The following STAG2 variants were observed in gnomAD, a reference collection of about 807,000 sequenced individuals.
The protein encoded by STAG2 is STAG2 cohesin complex component.
A neutral mutation model predicts 108.1 loss-of-function variants in STAG2; 14 were observed. That is an observed-to-expected ratio of 0.13 (90% CI 0.09 to 0.20). STAG2 has a LOEUF of 0.20. Among genes scored for constraint, STAG2 ranks in the 10% least tolerant of loss-of-function variants. The pLI, the probability that STAG2 is intolerant of heterozygous loss-of-function variation, is 1.00. For synonymous variants in STAG2, 307 were observed against 302.7 expected, an observed-to-expected ratio of 1.01 and a Z score of -0.15; for missense variants, 440 against 940.9, an observed-to-expected ratio of 0.47 and a Z score of 6.96.
intron 34 of STAG2, among the ~76,000 whole-genome samples, chrX:124,097,197 A>AAAG (rs2059405230): frequency 9.3e-6 from 1 of 107,428 alleles, no homozygotes; most frequent in African/African-American, 3.4e-5. Context: ...AAAAAAAAAA[A>AAAG]AAAAAAAGTA....
intron 24 of STAG2, among the ~76,000 whole-genome samples, chrX:124,069,100 T>C (rs559038630): frequency 7.4e-4 from 83 of 111,903 alleles, no homozygotes; most frequent in Non-Finnish European, 3.0e-4. Context: ...TAAACATTTA[T>C]AATCACTTCC....
chrX:124,025,112 T>C (rs2057052309), intron 3 of STAG2, among the ~76,000 whole-genome samples: 1 of 111,253 alleles, frequency 9.0e-6, no homozygotes, highest in Non-Finnish European at 1.9e-5. Flanking sequence ...ATTCATATGT[T>C]GGAGATTGTA....
At chrX:123,974,539 T>G (rs1183009552) in intron 1 of STAG2, among the ~76,000 whole-genome samples, 1 of 106,955 alleles carries the variant, frequency 9.3e-6, no homozygotes, top group African/African-American at 3.4e-5. Flanking sequence ...ATGATCATCT[T>G]ATATATGCAG....
intron 1 of STAG2, among the ~76,000 whole-genome samples, chrX:124,019,121 C>T (rs1473477824): frequency 2.1e-5 from 2 of 97,524 alleles, no homozygotes; most frequent in African/African-American, 7.9e-5. Context: ...AGTGCAGTGG[C>T]GCAGTCTTGG....
chrX:124,015,427 C>T (rs1286402172), intron 1 of STAG2, among the ~76,000 whole-genome samples: 1 of 106,646 alleles, frequency 9.4e-6, no homozygotes, highest in Non-Finnish European at 1.9e-5. Flanking sequence ...CTCCGTTGCC[C>T]AGTCTAGAGT....
At chrX:124,076,665 G>A (rs951711037) in intron 26 of STAG2, among the ~76,000 whole-genome samples, 194 bp downstream of exon 26, 2 of 110,973 alleles carry the variant, frequency 1.8e-5, no homozygotes, top group Non-Finnish European at 1.9e-5. Flanking sequence ...TATTGTGTTC[G>A]TTTGCATTTA....
chrX:123,983,974 CT>C (rs199881082), intron 1 of STAG2, among the ~76,000 whole-genome samples: 2,316 of 61,438 alleles, frequency 0.038, 168 homozygotes, highest in African/African-American at 0.2. Context: ...CTTTTCTTTT[CT>C]TTTTTTTTTT....
At position 124,066,238 on chromosome X, in the gene STAG2, C is replaced by A. The variant is rs756185760; in HGVS notation, c.2160C>A (p.Ile720=). 3 of 1,182,281 alleles carry A rather than the reference C, an allele frequency of 2.5e-6. No homozygotes were observed. The highest frequency in any genetic ancestry group is 3.8e-5 in the African/African-American group (2 of 52,701). The change falls in exon 22 of 35, where the codon ATC becomes ATA. Residue 720 remains isoleucine (I), a synonymous_variant. Transcript: ENST00000371145. ...ATTACAAACTCTTGAAAACTGGAAT[C>A]GAAAATGGAGACATGCCTGAGCAGG... is the stretch of plus-strand genomic sequence containing the variant. The part of the protein sequence containing the change: ...ACNYKLLKTG[I]ENGDMPEQIV...
At chrX:124,094,414 T>G (rs910380499) in intron 33 of STAG2, among the ~76,000 whole-genome samples, 7 of 111,609 alleles carry the variant, frequency 6.3e-5, no homozygotes, top group African/African-American at 2.3e-4. Context: ...ATATTTTGAT[T>G]AATACTAATT....
chrX:123,970,490 G>T (rs1216304518), intron 1 of STAG2, among the ~76,000 whole-genome samples: 1 of 111,419 alleles, frequency 9.0e-6, no homozygotes, highest in East Asian at 2.8e-4. Context: ...ACTTGGTTTG[G>T]CACTAAATAA....
At chrX:124,030,137 T>A (rs1237703430) in intron 4 of STAG2, among the ~76,000 whole-genome samples, 2 of 111,848 alleles carry the variant, frequency 1.8e-5, no homozygotes, top group East Asian at 5.6e-4. Context: ...ACTGCAATGA[T>A]TTCTAAGACT....
chrX:124,009,113 A>G (rs1038286431), intron 1 of STAG2, among the ~76,000 whole-genome samples: 12 of 111,641 alleles, frequency 1.1e-4, no homozygotes, highest in Non-Finnish European at 2.3e-4. Context: ...TGCTCTTAAT[A>G]TTAAATATAT....
At chrX:123,965,941 GT>G (rs1246146038) in intron 1 of STAG2, among the ~76,000 whole-genome samples, 1 of 110,392 alleles carries the variant, frequency 9.1e-6, no homozygotes, top group Non-Finnish European at 1.9e-5. Flanking sequence ...AGAGGCTGCA[GT>G]AAGCCACGAT....
upstream of STAG2, chrX:123,960,644 G>C (rs879095499): frequency 2.0e-5 from 1 of 50,534 alleles, no homozygotes; most frequent in Non-Finnish European, 3.6e-5. Flanking sequence ...AAAAAAAAAA[G>C]AAAAAAAACC....
chrX:124,095,310 G>T, intron 33 of STAG2, 62 bp from the exon 34 acceptor site: 2 of 912,189 alleles, frequency 2.2e-6, no homozygotes, highest in Non-Finnish European at 3.2e-6. Context: ...GATATTTTCA[G>T]TTACTATCTG....
chrX:124,092,217 C>T (rs2059267331), intron 32 of STAG2, among the ~76,000 whole-genome samples: 1 of 111,327 alleles, frequency 9.0e-6, no homozygotes, highest in South Asian at 3.8e-4. Flanking sequence ...TTAGTTATCT[C>T]CATAGTGGTC....
rs2059502372 is a variant in STAG2 at position 124,101,183 on chromosome X, A to G, written c.*586A>G. The G allele has an allele frequency of 6.8e-6, 1 of 148,069 alleles. No homozygotes were observed. Among genetic ancestry groups the G allele is most frequent in the Non-Finnish European group, 1.3e-5 (1 of 74,873 alleles). The allele number at this position is 148,069 out of a possible 1,213,427, so 12.2% of individuals were successfully genotyped here. ...CAGAACTTTTACAATTTTTTCATCT[A>G]AAAGTATTTTAAGATATTTTTAAAA... is the stretch of plus-strand genomic sequence containing the variant. On this transcript the variant is annotated 3_prime_UTR_variant, in exon 35 of 35. Coordinates refer to ENST00000371145, the MANE Select transcript of STAG2 (RefSeq NM_001042750.2).
chrX:124,091,998 T>C (rs942293220), intron 32 of STAG2, among the ~76,000 whole-genome samples: 3 of 111,924 alleles, frequency 2.7e-5, no homozygotes, highest in Non-Finnish European at 5.6e-5. Context: ...CAGGGAAAAG[T>C]GTGATGATTA....
chrX:124,011,945 T>C (rs755687509), intron 1 of STAG2, among the ~76,000 whole-genome samples: 1 of 112,090 alleles, frequency 8.9e-6, no homozygotes, highest in East Asian at 2.8e-4. Context: ...GGGACAAATA[T>C]TCAAACCATA....
Sources: allele counts gnomAD v4.1 joint callset (sites outside exome capture counted in the v4.1 genomes callset), GRCh38; gene constraint gnomAD v4.1.1; transcripts MANE v1.5; gene names NCBI Gene and HGNC (gene_info 2026-07-23, HGNC 2026-07-21).